The following MLLT3 variants were observed in gnomAD, a reference collection of about 807,000 sequenced individuals.
MLLT3 encodes the protein protein AF-9.
MLLT3 carries 4 observed loss-of-function variants against 53.2 expected under a neutral mutation model. The observed-to-expected ratio is 0.08, with a 90% CI of 0.04 to 0.17. MLLT3 has a LOEUF of 0.17. Among genes scored for constraint, MLLT3 ranks in the 10% least tolerant of loss-of-function variants. MLLT3 has a pLI of 1.00. For synonymous variants in MLLT3, 283 were observed against 230.6 expected (o/e 1.23, Z -2.06); for missense variants, 569 against 684.0 (o/e 0.83, Z 1.87).
intron 10 of MLLT3, 115 bp from the exon 11 acceptor site, chr9:20,346,689 T>G: frequency 3.0e-6 from 3 of 1,006,978 alleles, no homozygotes; most frequent in Non-Finnish European, 2.9e-6. Context: ...TTCGTATTTA[T>G]AGCAACAAGG....
At chr9:20,537,031 G>C (rs1378264044) in intron 2 of MLLT3, among the ~76,000 whole-genome samples, 1 of 152,158 alleles carries the variant, frequency 6.6e-6, no homozygotes, top group Non-Finnish European at 1.5e-5. Flanking sequence ...TGAAACCTAG[G>C]TGCCCTGCAT....
intron 2 of MLLT3, among the ~76,000 whole-genome samples, chr9:20,546,019 T>C (rs1175632511): frequency 6.6e-6 from 1 of 151,936 alleles, no homozygotes; most frequent in Non-Finnish European, 1.5e-5. Context: ...ATCTCATCTC[T>C]AAAAAAACAG....
intron 2 of MLLT3, among the ~76,000 whole-genome samples, chr9:20,521,099 T>A (rs1284100847): frequency 6.7e-6 from 1 of 150,216 alleles, no homozygotes; most frequent in South Asian, 2.1e-4. Flanking sequence ...AAGGAGAGAG[T>A]CTTGCTCTGT....
In MLLT3 at chr9:20,523,368, G is replaced by A. The variant is rs768598690; in HGVS notation, c.194-66582C>T. 8.3e-4 allele frequency among the ~76,000 whole-genome samples: 126 copies of A among 152,260 alleles called. 1 individual carries two copies. The highest frequency in any genetic ancestry group is 3.4e-3 in the Middle Eastern group (1 of 294). On this transcript the variant is annotated intron_variant, in intron 2 of 10. Coordinates refer to ENST00000380338, the MANE Select transcript of MLLT3 (RefSeq NM_004529.4). Reference sequence around the variant, plus strand: ...TATAATCCAGCAAAGGAACTTCTTGGTATTTACTCCAAAGGAGTTGAAAAT... The same window carrying A: ...TATAATCCAGCAAAGGAACTTCTTGATATTTACTCCAAAGGAGTTGAAAAT...
At chr9:20,568,760 T>C (rs909950397) in intron 2 of MLLT3, among the ~76,000 whole-genome samples, 10 of 152,228 alleles carry the variant, frequency 6.6e-5, no homozygotes, top group Non-Finnish European at 5.9e-5. Flanking sequence ...CCCTTTCAGC[T>C]AATGTTGATT....
chr9:20,447,689 A>C (rs1823738823), intron 4 of MLLT3, among the ~76,000 whole-genome samples: 1 of 152,330 alleles, frequency 6.6e-6, no homozygotes, highest in South Asian at 2.1e-4. Context: ...ATGTAGTATG[A>C]GTGAAGATAC....
intron 2 of MLLT3, among the ~76,000 whole-genome samples, chr9:20,487,479 C>T (rs1824842222): frequency 6.6e-6 from 1 of 152,108 alleles, no homozygotes; most frequent in African/African-American, 2.4e-5. Context: ...AAAAACCTAA[C>T]CTACTTTCAA....
intron 2 of MLLT3, among the ~76,000 whole-genome samples, chr9:20,600,633 A>T (rs1272735638): frequency 1.3e-5 from 2 of 152,268 alleles, no homozygotes; most frequent in Admixed American, 1.3e-4. Flanking sequence ...CTTTTGGGAG[A>T]TTCCCATTTT....
At chr9:20,530,891 A>G (rs888884402) in intron 2 of MLLT3, among the ~76,000 whole-genome samples, 9 of 152,158 alleles carry the variant, frequency 5.9e-5, no homozygotes, top group Non-Finnish European at 8.8e-5. Context: ...TTGGCCTCCC[A>G]AAGTGCTGGG....
In MLLT3 at chr9:20,414,279, A is replaced by ACTGCTG. The variant is rs952885740; in HGVS notation, c.561_566dup (p.Ser189_Ser190dup). The ACTGCTG allele has an allele frequency of 1.1e-5, 17 of 1,608,738 alleles. No individual in the cohort carries two copies. In the East Asian group the frequency reaches 2.7e-4, roughly 25 times the overall value. On this transcript the variant is annotated inframe_insertion, in exon 5 of 11. Transcript: ENST00000380338. ...TGTGAGGCTTTGAAAAACTGGTACTACTGCTGCTGCTGCTGCTGCTACTGC... is the reference window on the plus strand; with the variant it reads ...TGTGAGGCTTTGAAAAACTGGTACTACTGCTGCTGCTGCTGCTGCTGCTGCTACTGC...
At chr9:20,538,408 G>A (rs1266240633) in intron 2 of MLLT3, among the ~76,000 whole-genome samples, 1 of 152,172 alleles carries the variant, frequency 6.6e-6, no homozygotes, top group Non-Finnish European at 1.5e-5. Flanking sequence ...TCTGGCTCCA[G>A]AGTCTTAACC....
chr9:20,484,148 T>C (rs1338772391), intron 2 of MLLT3, among the ~76,000 whole-genome samples: 1 of 152,176 alleles, frequency 6.6e-6, no homozygotes, highest in East Asian at 1.9e-4. Flanking sequence ...CATGAACATA[T>C]AATAAGAGAT....
At chr9:20,609,815 G>A (rs1241301932) in intron 2 of MLLT3, among the ~76,000 whole-genome samples, 2 of 152,026 alleles carry the variant, frequency 1.3e-5, no homozygotes, top group African/African-American at 4.8e-5. Context: ...CCATTTCACT[G>A]TCCATTCACC....
intron 2 of MLLT3, among the ~76,000 whole-genome samples, chr9:20,548,624 A>G (rs1818848819): frequency 6.6e-6 from 1 of 152,174 alleles, no homozygotes; most frequent in African/African-American, 2.4e-5. Context: ...CCCTGTTAAG[A>G]GTAAGATTGA....
intron 4 of MLLT3, among the ~76,000 whole-genome samples, chr9:20,439,516 G>C (rs930328321): frequency 1.3e-4 from 20 of 151,260 alleles, no homozygotes; most frequent in African/African-American, 4.4e-4. Context: ...GTGCAAAACA[G>C]TTCTTTTGTT....
At chr9:20,591,404 G>C (rs1419784110) in intron 2 of MLLT3, among the ~76,000 whole-genome samples, 1 of 152,116 alleles carries the variant, frequency 6.6e-6, no homozygotes, top group Non-Finnish European at 1.5e-5. Flanking sequence ...TCGACTGTAG[G>C]GGGCATTCTC....
chr9:20,352,365 G>C (rs959555908), intron 10 of MLLT3, among the ~76,000 whole-genome samples: 3 of 152,202 alleles, frequency 2.0e-5, no homozygotes, highest in Non-Finnish European at 4.4e-5. Context: ...TCTGCAATCA[G>C]CATTATGCCA....
chr9:20,431,472 A>G (rs528600444), intron 4 of MLLT3, among the ~76,000 whole-genome samples: 1 of 152,302 alleles, frequency 6.6e-6, no homozygotes, highest in African/African-American at 2.4e-5. Context: ...ATAATTGTTT[A>G]TAAGTCAACC....
At chr9:20,462,369 A>G (rs7036342) in intron 2 of MLLT3, among the ~76,000 whole-genome samples, 17,766 of 152,174 alleles carry the variant, frequency 0.12, 2,958 homozygotes, top group African/African-American at 0.37. Flanking sequence ...ATTGAGTTGT[A>G]TGTTGAGTTG....
Sources: allele counts gnomAD v4.1 joint callset (sites outside exome capture counted in the v4.1 genomes callset), GRCh38; gene constraint gnomAD v4.1.1; transcripts MANE v1.5; gene names NCBI Gene and HGNC (gene_info 2026-07-23, HGNC 2026-07-21).